Variants in FBXO4 observed in about 807,000 individuals in gnomAD.
FBXO4 encodes the protein F-box only protein 4.
Under a neutral mutation model 43.7 loss-of-function variants are expected in FBXO4, and 36 were observed. The ratio of observed to expected loss-of-function variants is 0.82; its 90% confidence interval spans 0.63 to 1.09. The LOEUF (loss-of-function observed/expected upper bound fraction) is 1.09, where lower values mean the gene tolerates loss of function less well. Ranked by LOEUF, FBXO4 falls within the 50% of genes least tolerant of loss-of-function variation. The pLI, the probability that FBXO4 is intolerant of heterozygous loss-of-function variation, is 0.00. For missense variants in FBXO4, 435 were observed against 474.1 expected (o/e 0.92, Z 0.77); for synonymous variants, 180 against 165.6 (o/e 1.09, Z -0.67).
chr5:42,030,747 C>A, the FBXO4 span, among the ~76,000 whole-genome samples: 13 of 151,444 alleles, frequency 8.6e-5, no homozygotes, highest in Admixed American at 2.0e-4. Context: ...CAATGAACTC[C>A]AACAAATTTA....
the FBXO4 span, among the ~76,000 whole-genome samples, chr5:42,011,261 A>G: frequency 6.6e-6 from 1 of 152,130 alleles, no homozygotes; most frequent in East Asian, 1.9e-4. Context: ...GGTAATGGAG[A>G]CAGTTTCCTC....
chr5:41,946,472 T>A (rs1752078679), downstream of FBXO4, among the ~76,000 whole-genome samples: 1 of 152,222 alleles, frequency 6.6e-6, no homozygotes, highest in African/African-American at 2.4e-5. Flanking sequence ...TTCAAATATG[T>A]CAATAGAAAA....
At chr5:41,988,278 C>T in the FBXO4 span, among the ~76,000 whole-genome samples, 1 of 152,190 alleles carries the variant, frequency 6.6e-6, no homozygotes, top group African/African-American at 2.4e-5. Context: ...TTTCCTTTCC[C>T]TAGGTCAGTT....
the FBXO4 span, among the ~76,000 whole-genome samples, chr5:41,982,932 T>C: frequency 6.6e-6 from 1 of 152,156 alleles, no homozygotes; most frequent in Non-Finnish European, 1.5e-5. Context: ...TCTGTTCTCA[T>C]TGTTCAACTC....
chr5:41,932,163 G>C (rs1278915079), intron 3 of FBXO4, among the ~76,000 whole-genome samples: 3 of 152,170 alleles, frequency 2.0e-5, no homozygotes, highest in African/African-American at 7.2e-5. Context: ...CAGCTGAAGT[G>C]ATTGTTTTAA....
the FBXO4 span, among the ~76,000 whole-genome samples, chr5:42,011,388 C>T: frequency 1.3e-3 from 195 of 152,306 alleles, no homozygotes; most frequent in African/African-American, 4.6e-3. Flanking sequence ...GGCACATGCC[C>T]ATTACCAGAA....
the FBXO4 span, among the ~76,000 whole-genome samples, chr5:41,990,884 C>T: frequency 6.6e-6 from 1 of 152,178 alleles, no homozygotes; most frequent in Non-Finnish European, 1.5e-5. Flanking sequence ...AAAGAATATG[C>T]ATTTTCTGCC....
At chr5:41,977,613 A>G in the FBXO4 span, among the ~76,000 whole-genome samples, 1 of 152,186 alleles carries the variant, frequency 6.6e-6, no homozygotes, top group Admixed American at 6.5e-5. Context: ...TCTCTTTTCC[A>G]TCTGAGACCT....
chr5:41,954,888 T>C, the FBXO4 span, among the ~76,000 whole-genome samples: 1 of 152,236 alleles, frequency 6.6e-6, no homozygotes, highest in East Asian at 1.9e-4. Context: ...GTGTGTCTGT[T>C]TCTTCACTTC....
the FBXO4 span, among the ~76,000 whole-genome samples, chr5:42,007,768 A>C: frequency 6.6e-6 from 1 of 152,130 alleles, no homozygotes; most frequent in African/African-American, 2.4e-5. Context: ...GTCTTTTTGT[A>C]CTTGAACAGT....
the FBXO4 span, among the ~76,000 whole-genome samples, chr5:42,011,865 A>G: frequency 2.0e-5 from 3 of 152,168 alleles, no homozygotes; most frequent in Non-Finnish European, 2.9e-5. Flanking sequence ...TGTTTTGGGA[A>G]GGATTTCTTG....
the FBXO4 span, among the ~76,000 whole-genome samples, chr5:41,971,733 T>C: frequency 2.0e-5 from 3 of 152,120 alleles, no homozygotes; most frequent in African/African-American, 7.2e-5. Flanking sequence ...TCTTCTCTGT[T>C]ACATTATGTT....
chr5:41,985,033 C>T, the FBXO4 span, among the ~76,000 whole-genome samples: 2 of 152,134 alleles, frequency 1.3e-5, no homozygotes, highest in South Asian at 4.1e-4. Flanking sequence ...ATAGATCCAA[C>T]CTTCATTATT....
the FBXO4 span, among the ~76,000 whole-genome samples, chr5:41,991,942 G>A: frequency 6.6e-6 from 1 of 152,162 alleles, no homozygotes; most frequent in Non-Finnish European, 1.5e-5. Flanking sequence ...GCCAGGCGTG[G>A]TGGGGCATGC....
chr5:42,016,158 A>C, the FBXO4 span, among the ~76,000 whole-genome samples: 1 of 152,194 alleles, frequency 6.6e-6, no homozygotes, highest in Non-Finnish European at 1.5e-5. Context: ...ATCATTAGCC[A>C]TTCCCAATTC....
chr5:42,024,555 C>G, the FBXO4 span, among the ~76,000 whole-genome samples: 2 of 152,014 alleles, frequency 1.3e-5, no homozygotes, highest in African/African-American at 4.8e-5. Flanking sequence ...CTTTGTGTTA[C>G]AAACAATCCC....
At chr5:42,027,287 T>C in the FBXO4 span, among the ~76,000 whole-genome samples, 4 of 151,380 alleles carry the variant, frequency 2.6e-5, no homozygotes, top group Non-Finnish European at 4.4e-5. Context: ...GTTGTATGTA[T>C]CTAAGAATTT....
At chr5:42,012,212 A>C in the FBXO4 span, among the ~76,000 whole-genome samples, 1 of 152,206 alleles carries the variant, frequency 6.6e-6, no homozygotes, top group Non-Finnish European at 1.5e-5. Context: ...TGGCGTGCTT[A>C]CCAGGTGGTC....
the FBXO4 span, among the ~76,000 whole-genome samples, chr5:42,030,136 C>T: frequency 3.9e-5 from 6 of 152,054 alleles, no homozygotes. Context: ...CAAAAAAGAG[C>T]CCACATCGCC....
Sources: allele counts gnomAD v4.1 joint callset (sites outside exome capture counted in the v4.1 genomes callset), GRCh38; gene constraint gnomAD v4.1.1; transcripts MANE v1.5; gene names NCBI Gene and HGNC (gene_info 2026-07-23, HGNC 2026-07-21).